The following VEPH1 variants were observed in gnomAD, a reference collection of about 807,000 sequenced individuals.
VEPH1 encodes ventricular zone expressed PH domain containing 1, also known as ventricular zone-expressed PH domain-containing protein homolog 1.
A neutral mutation model predicts 85.2 loss-of-function variants in VEPH1; 80 were observed. The ratio of observed to expected loss-of-function variants is 0.94; its 90% CI spans 0.78 to 1.13. VEPH1 has a LOEUF of 1.13. VEPH1 is among the 50% of genes most tolerant of loss of function. VEPH1 has a pLI of 0.00. For synonymous variants in VEPH1, 297 were observed against 348.0 expected, an observed-to-expected ratio of 0.85 and a Z score of 1.63; for missense variants, 955 against 980.5, an observed-to-expected ratio of 0.97 and a Z score of 0.35.
intron 12 of VEPH1, among the ~76,000 whole-genome samples, chr3:157,281,135 A>G (rs1456114510): frequency 1.3e-5 from 2 of 151,592 alleles, no homozygotes; most frequent in African/African-American, 2.4e-5. Flanking sequence ...AAAGACAGAG[A>G]GAGAAAGAGG....
Position 157,308,111 on chromosome 3 carries a change from A to G in VEPH1, c.2010+5510T>C, listed in dbSNP as rs74405911. Among the ~76,000 whole-genome samples, 898 of 151,920 alleles carry G rather than the reference A, an allele frequency of 5.9e-3. 32 individuals carry two copies. Among genetic ancestry groups the G allele is most frequent in the Admixed American group, 0.047 (711 of 15,274 alleles). On this transcript the variant is annotated intron_variant, in intron 11 of 13. Coordinates refer to ENST00000362010, the MANE Select transcript of VEPH1 (RefSeq NM_001167912.2). ...TTAGATTCTTTTGAACTTTCCACAC[A>G]AATAATCTTATTGTCTATAAATAAT...
In VEPH1 at chr3:157,363,518, T is replaced by G. The variant is rs1400979825; in HGVS notation, c.1581A>C (p.Glu527Asp). Reference protein sequence around the residue: ...DSENLSETVKENSQEETPETT... With the variant: ...DSENLSETVKDNSQEETPETT... ...TCTCTGGAGTTTCTTCCTGGGAGTT[T>G]TCTTTAACAGTTTCTGACAAATTCT... The change falls in exon 9 of 14, where the codon GAA (glutamate) becomes GAC (aspartate). Residue 527 changes from glutamate (E) to aspartate (D), a missense_variant. Glu to Asp is a conservative substitution (Grantham distance 45). Coordinates refer to ENST00000362010, the MANE Select transcript of VEPH1 (RefSeq NM_001167912.2). The G allele has an allele frequency of 6.2e-7, 1 of 1,614,180 alleles. No homozygotes were observed.
chr3:157,428,119 A>G (rs1394669007), intron 5 of VEPH1, among the ~76,000 whole-genome samples: 1 of 152,194 alleles, frequency 6.6e-6, no homozygotes, highest in African/African-American at 2.4e-5. Flanking sequence ...TAGCTCGCAG[A>G]TGACAGATGG....
intron 3 of VEPH1, among the ~76,000 whole-genome samples, chr3:157,467,234 A>T (rs4679795): frequency 0.37 from 56,633 of 151,400 alleles, 10,763 homozygotes; most frequent in South Asian, 0.43. Context: ...AGAAGAAATG[A>T]CTGGGCCTCT....
intron 9 of VEPH1, among the ~76,000 whole-genome samples, chr3:157,343,768 A>G (rs1274377464): frequency 6.6e-6 from 1 of 152,230 alleles, no homozygotes; most frequent in African/African-American, 2.4e-5. Flanking sequence ...CATCGACGCA[A>G]AAATCCTCAA....
intron 9 of VEPH1, among the ~76,000 whole-genome samples, chr3:157,339,802 G>T (rs562604950): frequency 6.6e-6 from 1 of 152,136 alleles, no homozygotes; most frequent in Non-Finnish European, 1.5e-5. Flanking sequence ...CTCACTGATT[G>T]TGCCTAAACC....
At chr3:157,437,548 T>G (rs772867937) in intron 4 of VEPH1, 1 of 1,605,730 alleles carries the variant, frequency 6.2e-7, no homozygotes, top group South Asian at 1.1e-5. Context: ...GCACTCGGAA[T>G]GGGACAAGCT....
intron 3 of VEPH1, among the ~76,000 whole-genome samples, chr3:157,461,866 G>A (rs945701040): frequency 9.2e-5 from 14 of 151,864 alleles, no homozygotes; most frequent in African/African-American, 3.4e-4. Context: ...AGTAGGCAAG[G>A]ACTTCCTTAA....
At chr3:157,275,170 C>T (rs1016676653) in intron 12 of VEPH1, among the ~76,000 whole-genome samples, 2 of 152,146 alleles carry the variant, frequency 1.3e-5, no homozygotes, top group Admixed American at 6.6e-5. Flanking sequence ...GCATGAATAA[C>T]TCATATTTGA....
intron 11 of VEPH1, among the ~76,000 whole-genome samples, chr3:157,310,996 C>A (rs558295876): frequency 6.6e-6 from 1 of 152,314 alleles, no homozygotes; most frequent in East Asian, 1.9e-4. Context: ...TGACCTTCAA[C>A]AAGTTCCTTT....
Position 157,500,973 on chromosome 3 carries a change from T to C in VEPH1, c.-158+2304A>G, listed in dbSNP as rs12637783. ...GTTTAAGGAGATGATATAAAACATT[T>C]AACACAGAGCCTGGCATATGGCAAC... On this transcript the variant is annotated intron_variant, in intron 1 of 13. Transcript: ENST00000362010. 3.7e-3 allele frequency among the ~76,000 whole-genome samples: 557 copies of C among 152,268 alleles called. 19 individuals carry two copies. The East Asian group carries it at 0.069, about 19-fold the overall frequency.
chr3:157,301,276 T>C (rs1236705451), intron 11 of VEPH1, among the ~76,000 whole-genome samples: 2 of 152,194 alleles, frequency 1.3e-5, no homozygotes, highest in African/African-American at 2.4e-5. Context: ...AGAGTGTGTA[T>C]TGGGGCTATG....
intron 4 of VEPH1, among the ~76,000 whole-genome samples, chr3:157,430,562 T>G (rs1159246520): frequency 6.6e-6 from 1 of 152,208 alleles, no homozygotes; most frequent in Non-Finnish European, 1.5e-5. Context: ...GAGAGATATT[T>G]CTTAGGGTAG....
intron 4 of VEPH1, among the ~76,000 whole-genome samples, chr3:157,435,999 G>A (rs978356277): frequency 1.3e-5 from 2 of 152,014 alleles, no homozygotes; most frequent in African/African-American, 2.4e-5. Flanking sequence ...GTCATAGGCC[G>A]GGTGAGGTGG....
intron 5 of VEPH1, among the ~76,000 whole-genome samples, chr3:157,420,375 A>G (rs185284862): frequency 3.5e-4 from 53 of 151,938 alleles, no homozygotes; most frequent in Non-Finnish European, 5.9e-4. Flanking sequence ...GTACACACAC[A>G]CATACACATA....
intron 6 of VEPH1, among the ~76,000 whole-genome samples, chr3:157,404,908 A>C (rs1731038992): frequency 6.6e-6 from 1 of 152,154 alleles, no homozygotes; most frequent in African/African-American, 2.4e-5. Context: ...GTCCTCTTCA[A>C]CTCACCTGCT....
At chr3:157,341,037 C>G (rs2108647013) in intron 9 of VEPH1, among the ~76,000 whole-genome samples, 1 of 152,210 alleles carries the variant, frequency 6.6e-6, no homozygotes, top group East Asian at 1.9e-4. Context: ...TCACCATCAT[C>G]AAAGACCAAA....
At chr3:157,321,079 T>A (rs919106742) in intron 9 of VEPH1, among the ~76,000 whole-genome samples, 1 of 152,140 alleles carries the variant, frequency 6.6e-6, no homozygotes, top group Non-Finnish European at 1.5e-5. Flanking sequence ...GGAATATGGC[T>A]TTGATTTTTT....
chr3:157,376,079 T>G (rs1217159052), intron 7 of VEPH1, among the ~76,000 whole-genome samples: 1 of 152,174 alleles, frequency 6.6e-6, no homozygotes, highest in Admixed American at 6.5e-5. Flanking sequence ...TTTCTCCTTT[T>G]TTCCTTGGGT....
Sources: gnomAD v4.1 joint callset for allele counts (sites outside exome capture counted in the v4.1 genomes callset) on GRCh38, gnomAD v4.1.1 for gene constraint, MANE v1.5 for transcripts, NCBI Gene and HGNC (gene_info 2026-07-23, HGNC 2026-07-21) for gene names.